The following ZNF69 variants were observed in gnomAD, a reference collection of about 807,000 sequenced individuals.
The protein encoded by ZNF69 is zinc finger protein 69.
A neutral mutation model predicts 50.9 loss-of-function variants in ZNF69; 47 were observed. The observed-to-expected ratio is 0.92, with a 90% CI of 0.73 to 1.18. The LOEUF (loss-of-function observed/expected upper bound fraction) is 1.18. Among genes scored for constraint, ZNF69 ranks in the 50% most tolerant of loss-of-function variants. The probability of loss-of-function intolerance (pLI) is 0.00; values close to 1 mark genes in which losing one functional copy is unlikely to be tolerated. For synonymous variants in ZNF69, 216 were observed against 223.1 expected, an observed-to-expected ratio of 0.97 and a Z score of 0.29; for missense variants, 717 against 675.1, an observed-to-expected ratio of 1.06 and a Z score of -0.69.
the ZNF69 span, among the ~76,000 whole-genome samples, chr19:11,937,815 T>G: frequency 6.6e-6 from 1 of 152,062 alleles, no homozygotes; most frequent in Non-Finnish European, 1.5e-5. Context: ...TCCTTGTGCC[T>G]CTCTGTCATC....
At chr19:11,944,639 C>T in the ZNF69 span, among the ~76,000 whole-genome samples, 1 of 152,238 alleles carries the variant, frequency 6.6e-6, no homozygotes, top group Non-Finnish European at 1.5e-5. Flanking sequence ...AGAGTATGTA[C>T]ACACAAGAAC....
At chr19:11,911,150 A>C (rs1972452078), downstream of ZNF69, among the ~76,000 whole-genome samples, 1 of 152,134 alleles carries the variant, frequency 6.6e-6, no homozygotes, top group African/African-American at 2.4e-5. Context: ...TTAGAATGGC[A>C]ATCATTAAAA....
chr19:11,927,213 G>A, the ZNF69 span, among the ~76,000 whole-genome samples: 2 of 151,996 alleles, frequency 1.3e-5, no homozygotes, highest in East Asian at 1.9e-4. Context: ...AATTAGCCGG[G>A]TGTGGTGGCC....
At chr19:11,954,339 CAGAG>C in the ZNF69 span, among the ~76,000 whole-genome samples, 8 of 152,310 alleles carry the variant, frequency 5.3e-5, no homozygotes, top group African/African-American at 1.4e-4. Context: ...AAGGCTCCCT[CAGAG>C]AGAATAGGTG....
the ZNF69 span, chr19:11,978,038 T>C: frequency 4.5e-6 from 7 of 1,541,974 alleles, no homozygotes; most frequent in Non-Finnish European, 4.4e-6. Flanking sequence ...ATGGACCATG[T>C]TAAAAATGCA....
chr19:11,911,477 G>A (rs1353012525), downstream of ZNF69, among the ~76,000 whole-genome samples: 3 of 152,330 alleles, frequency 2.0e-5, no homozygotes, highest in South Asian at 2.1e-4. Context: ...TATACACCAT[G>A]GAATACTATG....
chr19:11,950,219 A>G, the ZNF69 span: 6 of 1,612,632 alleles, frequency 3.7e-6, no homozygotes, highest in African/African-American at 6.7e-5. Flanking sequence ...GAGAAGCCAT[A>G]TGAATGTAAG....
At chr19:11,888,390 C>G (rs1599338973) in intron 1 of ZNF69, among the ~76,000 whole-genome samples, 1 of 152,278 alleles carries the variant, frequency 6.6e-6, no homozygotes, top group Middle Eastern at 3.4e-3. Flanking sequence ...AACTGAGGAA[C>G]GTTAACAAAG....
the ZNF69 span, chr19:11,978,346 C>T: frequency 3.1e-6 from 5 of 1,614,096 alleles, no homozygotes; most frequent in Admixed American, 1.7e-5. Context: ...GACTATGCAC[C>T]AAAGCCATAT....
the ZNF69 span, among the ~76,000 whole-genome samples, chr19:11,934,717 A>G: frequency 2.0e-5 from 3 of 147,074 alleles, 1 homozygote; most frequent in African/African-American, 8.1e-5. Context: ...AGTAGAGATG[A>G]GGTTTTACCA....
At chr19:11,941,683 C>T in the ZNF69 span, among the ~76,000 whole-genome samples, 1 of 152,220 alleles carries the variant, frequency 6.6e-6, no homozygotes, top group African/African-American at 2.4e-5. Context: ...TCTCCCTCCA[C>T]CCCTCCCTGC....
At chr19:11,927,866 A>C in the ZNF69 span, among the ~76,000 whole-genome samples, 1 of 152,212 alleles carries the variant, frequency 6.6e-6, no homozygotes, top group Non-Finnish European at 1.5e-5. Context: ...GTTAGTGTCA[A>C]GATGGAGCTG....
chr19:11,916,101 G>A (rs565380968), downstream of ZNF69, among the ~76,000 whole-genome samples: 2 of 152,220 alleles, frequency 1.3e-5, no homozygotes, highest in South Asian at 2.1e-4. Context: ...TTTGTCTTGG[G>A]GCTTTTTCCA....
intron 4 of ZNF69, among the ~76,000 whole-genome samples, chr19:11,912,316 C>G (rs2145254156): frequency 6.6e-6 from 1 of 152,196 alleles, no homozygotes; most frequent in Admixed American, 6.5e-5. Context: ...TTCATACCTG[C>G]CAAGATCCTT....
the ZNF69 span, chr19:11,939,946 C>T: frequency 6.8e-6 from 1 of 146,274 alleles, no homozygotes; most frequent in South Asian, 2.1e-4. Context: ...TGTAACAAGA[C>T]GTTTTCTTTT....
At chr19:11,918,614 G>A (rs114978274), downstream of ZNF69, among the ~76,000 whole-genome samples, 7,690 of 152,014 alleles carry the variant, frequency 0.051, 422 homozygotes, top group African/African-American at 0.13. Flanking sequence ...TTTCTGCCCA[G>A]CTAATTTTCA....
At chr19:11,931,273 A>G in the ZNF69 span, among the ~76,000 whole-genome samples, 1 of 147,982 alleles carries the variant, frequency 6.8e-6, no homozygotes. Flanking sequence ...TCTAGTGTCC[A>G]GCAAGGGCCC....
At chr19:11,964,970 T>C in the ZNF69 span, 22 of 501,330 alleles carry the variant, frequency 4.4e-5, no homozygotes, top group East Asian at 8.1e-4. Context: ...GGCCTAGCAT[T>C]CCATCCAATC....
intron 1 of ZNF69, among the ~76,000 whole-genome samples, chr19:11,900,102 C>T (rs962306480): frequency 2.0e-5 from 3 of 152,060 alleles, no homozygotes; most frequent in South Asian, 2.1e-4. Context: ...TACAGGTGTA[C>T]GCCGCCATGC....
Sources: gnomAD v4.1 joint callset for allele counts (sites outside exome capture counted in the v4.1 genomes callset) on GRCh38, gnomAD v4.1.1 for gene constraint, MANE v1.5 for transcripts, NCBI Gene and HGNC (gene_info 2026-07-23, HGNC 2026-07-21) for gene names.